The following CHL1 variants were observed in gnomAD, a reference collection of about 807,000 sequenced individuals.
The protein encoded by CHL1 is neural cell adhesion molecule L1-like protein.
A neutral mutation model predicts 141.9 loss-of-function variants in CHL1; 96 were observed. The observed-to-expected ratio is 0.68, with a 90% CI of 0.57 to 0.80. The LOEUF (loss-of-function observed/expected upper bound fraction) is 0.80, where lower values mean the gene tolerates loss of function less well. Ranked by LOEUF, CHL1 falls within the 30% of genes least tolerant of loss-of-function variation. CHL1 has a pLI of 0.00. For synonymous variants in CHL1, 613 were observed against 502.2 expected (o/e 1.22, Z -2.95); for missense variants, 1,820 against 1,457.2 (o/e 1.25, Z -4.05).
chr3:312,593 T>C lies in CHL1; in HGVS notation c.-94-7090T>C, dbSNP rs575452380. ...GGAAATTTGCTGGACCTCCTCCCCA[T>C]AAGAACTGATTCCAAACCAGGGGAA... On this transcript the variant is annotated intron_variant, in intron 2 of 27. Coordinates refer to ENST00000256509, the MANE Select transcript of CHL1 (RefSeq NM_006614.4). Among the ~76,000 whole-genome samples the C allele has an allele frequency of 2.6e-5, 4 of 152,282 alleles. No homozygotes were observed. The South Asian group carries it at 8.3e-4, about 32-fold the overall frequency.
intron 2 of CHL1, among the ~76,000 whole-genome samples, chr3:317,385 T>C (rs1489503855): frequency 1.3e-5 from 2 of 151,946 alleles, no homozygotes; most frequent in Non-Finnish European, 2.9e-5. Context: ...TCTCACTTAT[T>C]TGGCTATCTA....
intron 1 of CHL1, chr3:217,703 G>A (rs1219607539): frequency 6.6e-6 from 1 of 152,378 alleles, no homozygotes; most frequent in Non-Finnish European, 1.5e-5. Flanking sequence ...GGCACAAGGT[G>A]AGCTTAGGGC....
chr3:291,614 A>C (rs941119367), intron 2 of CHL1, among the ~76,000 whole-genome samples: 1 of 152,128 alleles, frequency 6.6e-6, no homozygotes, highest in Non-Finnish European at 1.5e-5. Context: ...GCAAGTAATA[A>C]ATTTTCCTAT....
intron 9 of CHL1, among the ~76,000 whole-genome samples, chr3:349,110 T>C (rs1254809773): frequency 4.6e-5 from 7 of 152,140 alleles, no homozygotes; most frequent in African/African-American, 1.7e-4. Context: ...GCCCTTGTAA[T>C]AGAGGAGAGA....
chr3:200,558 A>G (rs13084688), intron 1 of CHL1, among the ~76,000 whole-genome samples: 60,121 of 152,132 alleles, frequency 0.4, 14,341 homozygotes, highest in East Asian at 0.57. Flanking sequence ...TGCAATTATT[A>G]TGGTCATTTA....
At chr3:396,390 C>T (rs1708667644) in intron 24 of CHL1, among the ~76,000 whole-genome samples, 1 of 152,090 alleles carries the variant, frequency 6.6e-6, no homozygotes, top group South Asian at 2.1e-4. Flanking sequence ...TTGATATAAC[C>T]AAGACCATAA....
intron 8 of CHL1, among the ~76,000 whole-genome samples, chr3:343,907 G>T (rs1702550118): frequency 6.6e-6 from 1 of 152,150 alleles, no homozygotes; most frequent in Non-Finnish European, 1.5e-5. Context: ...TAAACACGAA[G>T]TATAGAAGAC....
intron 1 of CHL1, among the ~76,000 whole-genome samples, chr3:224,128 A>G (rs1701114203): frequency 6.6e-6 from 1 of 152,120 alleles, no homozygotes; most frequent in African/African-American, 2.4e-5. Flanking sequence ...CCCTCCCATA[A>G]TCCTAGTCTT....
At chr3:394,421 G>A (rs1483650639) in intron 23 of CHL1, among the ~76,000 whole-genome samples, 1 of 151,978 alleles carries the variant, frequency 6.6e-6, no homozygotes, top group African/African-American at 2.4e-5. Context: ...GTTTCTCTGG[G>A]GTCAAAAGGC....
At chr3:203,521 C>G (rs1419795064) in intron 1 of CHL1, among the ~76,000 whole-genome samples, 1 of 152,174 alleles carries the variant, frequency 6.6e-6, no homozygotes, top group Non-Finnish European at 1.5e-5. Flanking sequence ...ATTAAGGGAC[C>G]TTAAAGACGG....
chr3:398,168 T>G, intron 24 of CHL1, 59 bp from the exon 25 acceptor site: 1 of 1,216,998 alleles, frequency 8.2e-7, no homozygotes. Context: ...ACAATATTTT[T>G]TTATGTCCTG....
chr3:296,775 G>T (rs1698224652), intron 2 of CHL1, among the ~76,000 whole-genome samples: 1 of 152,190 alleles, frequency 6.6e-6, no homozygotes, highest in Non-Finnish European at 1.5e-5. Flanking sequence ...ACAAAACACT[G>T]TAAGGGGGAA....
chr3:271,943 A>G (rs1412450375), intron 2 of CHL1, among the ~76,000 whole-genome samples: 1 of 152,234 alleles, frequency 6.6e-6, no homozygotes, highest in Non-Finnish European at 1.5e-5. Context: ...ATCTCTAGCT[A>G]TTAAAAATCA....
At chr3:214,764 G>T (rs1395097888) in intron 1 of CHL1, among the ~76,000 whole-genome samples, 6 of 152,072 alleles carry the variant, frequency 3.9e-5, no homozygotes, top group Non-Finnish European at 8.8e-5. Context: ...CTTATTAAAA[G>T]TTCAATAGGA....
intron 1 of CHL1, among the ~76,000 whole-genome samples, chr3:205,180 C>T (rs377590789): frequency 5.5e-5 from 8 of 146,142 alleles, no homozygotes; most frequent in African/African-American, 1.8e-4. Context: ...GTATGGTCAT[C>T]GCTCACTGCA....
Position 383,838 on chromosome 3 carries a change from C to T in CHL1, c.2199C>T (p.Asn733=), listed in dbSNP as rs1427533761. 1.2e-5 allele frequency: 20 copies of T among 1,610,114 alleles called. No homozygotes were observed. Among genetic ancestry groups the T allele is most frequent in the East Asian group, 2.2e-5 (1 of 44,718 alleles). Residue 733 remains asparagine (N), a synonymous_variant, in exon 19 of 28, where the codon AAC becomes AAT. Coordinates refer to ENST00000256509, the MANE Select transcript of CHL1 (RefSeq NM_006614.4). ...CAGCTCCAGATAGGAATCCACAAAA[C>T]ATAAGGGTTCAAGCCTCTCAACCCA... is the stretch of plus-strand genomic sequence containing the variant. The part of the protein sequence containing the change: ...PPAAPDRNPQ[N]IRVQASQPKE...
chr3:259,238 TA>T (rs1184346169), intron 2 of CHL1, among the ~76,000 whole-genome samples: 11 of 152,018 alleles, frequency 7.2e-5, no homozygotes, highest in Non-Finnish European at 1.6e-4. Flanking sequence ...GTCTTTCTAA[TA>T]AAAGTATGTG....
At chr3:370,550 C>A (rs908763068) in intron 15 of CHL1, among the ~76,000 whole-genome samples, 5 of 129,946 alleles carry the variant, frequency 3.8e-5, no homozygotes, top group African/African-American at 1.1e-4. Context: ...AAAAAAAAAA[C>A]CAGCTCCTGG....
At chr3:380,871 A>G (rs541281462) in intron 16 of CHL1, among the ~76,000 whole-genome samples, 2 of 152,356 alleles carry the variant, frequency 1.3e-5, no homozygotes, top group African/African-American at 4.8e-5. Context: ...ATTTAGTTAT[A>G]AAACATTTAT....
Sources: gnomAD v4.1 joint callset for allele counts (sites outside exome capture counted in the v4.1 genomes callset) on GRCh38, gnomAD v4.1.1 for gene constraint, MANE v1.5 for transcripts, NCBI Gene and HGNC (gene_info 2026-07-23, HGNC 2026-07-21) for gene names.